The following TXNL4A variants were observed in gnomAD, a reference collection of about 807,000 sequenced individuals.
TXNL4A encodes thioredoxin like 4A, also known as thioredoxin-like protein 4A.
In TXNL4A, 17 loss-of-function variants were observed where a neutral mutation model predicts 14.6. The ratio of observed to expected loss-of-function variants is 1.16; its 90% CI spans 0.80 to 1.74. The LOEUF is 1.74. TXNL4A is among the 40% of genes most tolerant of loss of function. The pLI is 0.00. For synonymous variants in TXNL4A, 83 were observed against 70.6 expected (o/e 1.18, Z -0.88); for missense variants, 74 against 195.2 (o/e 0.38, Z 3.70).
intron 1 of TXNL4A, among the ~76,000 whole-genome samples, chr18:80,018,438 G>A (rs1373209993): frequency 1.3e-5 from 2 of 152,186 alleles, no homozygotes; most frequent in Admixed American, 1.3e-4. Flanking sequence ...AGAAAAGCAA[G>A]AGCAAACACA....
intron 1 of TXNL4A, among the ~76,000 whole-genome samples, chr18:79,983,111 C>T (rs1277044112): frequency 6.6e-6 from 1 of 152,242 alleles, no homozygotes; most frequent in African/African-American, 2.4e-5. Flanking sequence ...AGAGATCCTC[C>T]CACCTCAGCC....
At chr18:80,021,987 G>A (rs1323727332) in intron 1 of TXNL4A, among the ~76,000 whole-genome samples, 1 of 81,746 alleles carries the variant, frequency 1.2e-5, no homozygotes, top group Non-Finnish European at 2.8e-5. Flanking sequence ...ATATGGGCTA[G>A]AATACCTTTT....
At chr18:79,984,802 G>A (rs993556970) in intron 1 of TXNL4A, among the ~76,000 whole-genome samples, 8 of 152,102 alleles carry the variant, frequency 5.3e-5, no homozygotes, top group African/African-American at 9.7e-5. Flanking sequence ...CTCTATTTGC[G>A]TGGGCTTTTT....
chr18:80,016,126 T>C (rs1328890482), intron 1 of TXNL4A, among the ~76,000 whole-genome samples: 4 of 149,776 alleles, frequency 2.7e-5, no homozygotes, highest in Non-Finnish European at 4.5e-5. Flanking sequence ...TGATGAGCAT[T>C]TTTTCATGTG....
chr18:79,979,706 C>A (rs749740426), intron 1 of TXNL4A: 2 of 152,184 alleles, frequency 1.3e-5, no homozygotes, highest in Non-Finnish European at 2.9e-5. Flanking sequence ...TATAGCAATG[C>A]GAGAAGAGCC....
intron 1 of TXNL4A, among the ~76,000 whole-genome samples, chr18:80,010,969 T>A (rs188061035): frequency 1.3e-5 from 2 of 151,882 alleles, no homozygotes; most frequent in East Asian, 3.9e-4. Context: ...TTTTTTTTTT[T>A]CTTTGGCTAC....
chr18:80,032,657 T>C (rs1239450795), intron 1 of TXNL4A, among the ~76,000 whole-genome samples: 5 of 152,070 alleles, frequency 3.3e-5, no homozygotes, highest in Non-Finnish European at 1.5e-5. Flanking sequence ...TTGGCCAACA[T>C]GGGGAAACAC....
Position 79,971,684 on chromosome 18 carries a change from A to T in TXNL4A, c.*2001T>A, listed in dbSNP as rs2051303328. 6.6e-6 allele frequency: 1 copy of T among 152,202 alleles called. No individual in the cohort carries two copies. The highest frequency in any genetic ancestry group is 1.5e-5 in the Non-Finnish European group (1 of 68,054). The allele number at this position is 152,202 out of a possible 1,614,324, so 9.4% of individuals were successfully genotyped here. On this transcript the variant is annotated 3_prime_UTR_variant, in exon 3 of 3. Transcript: ENST00000269601. ...CCTGTGTTACCACTTTGCCACCAGC[A>T]GTGTGTGAGGGCTCCAATTTCTCCA...
rs1263182765 is a variant in TXNL4A, at chr18:79,973,523, A to G, written c.*162T>C. The stretch of plus-strand genomic sequence containing the variant: ...AACAAGTAGGCCTGCTCCTCTCACC[A>G]CGTGCTTGTTTATTTCGGTGAGTTA... On this transcript the variant is annotated 3_prime_UTR_variant, in exon 3 of 3. Transcript: ENST00000269601. 1.2e-6 allele frequency: 1 copy of G among 803,282 alleles called. No individual in the cohort carries two copies. The highest frequency in any genetic ancestry group is 1.8e-5 in the African/African-American group (1 of 56,706). The allele number at this position is 803,282 out of a possible 1,614,324, so 49.8% of individuals were successfully genotyped here.
At chr18:79,989,151 A>AT (rs1035392709), upstream of TXNL4A, among the ~76,000 whole-genome samples, 8 of 151,540 alleles carry the variant, frequency 5.3e-5, no homozygotes, top group African/African-American at 1.2e-4. Context: ...AAGAAAAAAA[A>AT]TTTTTTTTTG....
intron 1 of TXNL4A, among the ~76,000 whole-genome samples, chr18:80,029,388 C>T (rs1413199958): frequency 6.6e-6 from 1 of 152,148 alleles, no homozygotes; most frequent in Admixed American, 6.5e-5. Flanking sequence ...TATTCAGCTG[C>T]TATCATCTCA....
chr18:80,008,411 A>T (rs2051746898), intron 1 of TXNL4A, among the ~76,000 whole-genome samples: 1 of 151,248 alleles, frequency 6.6e-6, no homozygotes, highest in Admixed American at 6.6e-5. Flanking sequence ...CCTCCTCCGC[A>T]TTCTCCTCTT....
chr18:79,978,031 G>T lies in TXNL4A; in HGVS notation c.154-330C>A, dbSNP rs531141281. On this transcript the variant is annotated intron_variant, in intron 1 of 2. Transcript: ENST00000269601. ...TCCCAGTGCAGCAAACACGCGGGAAGATCATGTGACACTACTGGGACCTTG... is the reference window on the plus strand; with the variant it reads ...TCCCAGTGCAGCAAACACGCGGGAATATCATGTGACACTACTGGGACCTTG... 1.2e-3 allele frequency: 275 copies of T among 229,446 alleles called. 1 individual carries two copies. Among genetic ancestry groups the T allele is most frequent in the African/African-American group, 5.8e-3 (258 of 44,136 alleles). The allele number at this position is 229,446 out of a possible 1,614,324, so 14.2% of individuals were successfully genotyped here. A position where few individuals can be genotyped will look rare whatever the true frequency, so the allele number is the denominator to read the frequency against.
rs750526661 is a variant in TXNL4A, at chr18:79,973,682, G to T, written c.*3C>A. 3 of 1,608,596 alleles carry T rather than the reference G, an allele frequency of 1.9e-6. No homozygotes were observed. In the Admixed American group the frequency reaches 5.1e-5, roughly 27 times the overall value. On this transcript the variant is annotated 3_prime_UTR_variant, in exon 3 of 3. Transcript: ENST00000269601. ...ACATTTATCCGCGCAGACTGAGGGC[G>T]CCTCAGTAGCGGTACTTGGTGGAGT...
At chr18:79,983,848 T>G (rs1331330062) in intron 1 of TXNL4A, among the ~76,000 whole-genome samples, 3 of 152,226 alleles carry the variant, frequency 2.0e-5, no homozygotes, top group African/African-American at 7.2e-5. Flanking sequence ...AAGTATGCCC[T>G]TTTTACAGGT....
rs145217579 is a variant in TXNL4A, at chr18:79,996,807, G to A, written c.-60-19106C>T. Among the ~76,000 whole-genome samples the A allele has an allele frequency of 2.0e-3, 310 of 152,316 alleles. 1 individual carries two copies. The highest frequency in any genetic ancestry group is 6.8e-3 in the Middle Eastern group (2 of 294). On this transcript the variant is annotated intron_variant, in intron 1 of 2. Transcript: ENST00000585474. ...AAAATACAAAAATTAGCCAGGCGTGGTAGCGCATGCCTGTAATCCCAGCTA... is the reference window on the plus strand; with the variant it reads ...AAAATACAAAAATTAGCCAGGCGTGATAGCGCATGCCTGTAATCCCAGCTA...
intron 1 of TXNL4A, among the ~76,000 whole-genome samples, chr18:80,010,273 C>T (rs2051761213): frequency 6.6e-6 from 1 of 152,038 alleles, no homozygotes; most frequent in Non-Finnish European, 1.5e-5. Context: ...TCTGGGTTCT[C>T]TATGAACTGG....
Position 79,988,305 on chromosome 18 carries a change from A to C in TXNL4A, c.88T>G (p.Phe30Val), listed in dbSNP as rs1191652454. 1 of 1,604,250 alleles carries C rather than the reference A, an allele frequency of 6.2e-7. No individual in the cohort carries two copies. The highest frequency in any genetic ancestry group is 1.1e-5 in the South Asian group (1 of 89,758). ...SEEDRVVVIRFGHDWDPTCMK... is the reference protein window; with the variant it reads ...SEEDRVVVIRVGHDWDPTCMK... ...CACGTAGGATCCCAGTCGTGGCCGA[A>C]GCGGATGACGACCACGCGGTCCTCC... The change falls in exon 1 of 3, where the codon TTC (phenylalanine) becomes GTC (valine). Residue 30 changes from phenylalanine to valine, a missense_variant. Physicochemically the swap from Phe to Val is conservative, Grantham distance 50. Coordinates refer to ENST00000269601, the MANE Select transcript of TXNL4A (RefSeq NM_006701.5).
At chr18:80,015,814 A>C (rs1311095335) in intron 1 of TXNL4A, among the ~76,000 whole-genome samples, 1 of 147,708 alleles carries the variant, frequency 6.8e-6, no homozygotes, top group Non-Finnish European at 1.5e-5. Context: ...TAGTGCTGCA[A>C]TAAACATATG....
Sources: allele counts gnomAD v4.1 joint callset (sites outside exome capture counted in the v4.1 genomes callset), GRCh38; gene constraint gnomAD v4.1.1; transcripts MANE v1.5; gene names NCBI Gene and HGNC (gene_info 2026-07-23, HGNC 2026-07-21).